Variants in VPS33A observed in about 807,000 individuals in gnomAD.
The protein encoded by VPS33A is VPS33A core subunit of CORVET and HOPS complexes, also known as vacuolar protein sorting-associated protein 33A.
Under a neutral mutation model 71.8 loss-of-function variants are expected in VPS33A, and 32 were observed. The observed-to-expected ratio is 0.45, with a 90% CI of 0.34 to 0.60. The LOEUF is 0.60. Among genes scored for constraint, VPS33A ranks in the 20% least tolerant of loss-of-function variants. The pLI, the probability that VPS33A is intolerant of heterozygous loss-of-function variation, is 0.02. For synonymous variants in VPS33A, 311 were observed against 292.7 expected (o/e 1.06, Z -0.64); for missense variants, 625 against 748.5 (o/e 0.84, Z 1.92).
chr12:122,230,757 G>A lies in VPS33A; in HGVS notation c.*1489C>T, dbSNP rs1008124000. 1 of 152,140 alleles carries A rather than the reference G, an allele frequency of 6.6e-6. No homozygotes were observed. Among genetic ancestry groups the A allele is most frequent in the Non-Finnish European group, 1.5e-5 (1 of 68,022 alleles). 9.4% of individuals were successfully genotyped at this position (152,140 alleles called of 1,614,324 possible). On this transcript the variant is annotated 3_prime_UTR_variant, in exon 13 of 13. Coordinates refer to ENST00000267199, the MANE Select transcript of VPS33A (RefSeq NM_022916.6). ...GCAGCAAAACTGCCAACCTGACTTG[G>A]TGCCCTTGGTGCCTTAACTCCTCCA...
At chr12:122,255,489 A>G (rs989687355) in intron 4 of VPS33A, among the ~76,000 whole-genome samples, 2 of 152,182 alleles carry the variant, frequency 1.3e-5, no homozygotes, top group Non-Finnish European at 2.9e-5. Flanking sequence ...GCAGATCATG[A>G]GGTCAGGAGT....
At chr12:122,246,740 T>G (rs1954782261) in intron 6 of VPS33A, among the ~76,000 whole-genome samples, 1 of 151,874 alleles carries the variant, frequency 6.6e-6, no homozygotes, top group Non-Finnish European at 1.5e-5. Flanking sequence ...GCTGGGATTA[T>G]AGCCACCCGC....
intron 4 of VPS33A, among the ~76,000 whole-genome samples, chr12:122,255,205 A>C (rs958813811): frequency 6.6e-6 from 1 of 152,242 alleles, no homozygotes; most frequent in Non-Finnish European, 1.5e-5. Context: ...ATATGGATTA[A>C]TTAAAAATGA....
intron 6 of VPS33A, among the ~76,000 whole-genome samples, chr12:122,246,290 T>TTTTATTTATTTA (rs138644669): frequency 0.043 from 6,520 of 150,920 alleles, 189 homozygotes; most frequent in Middle Eastern, 0.1. Flanking sequence ...CTCTCTCTTA[T>TTTTATTTATTTA]TTTATTTATT....
intron 4 of VPS33A, among the ~76,000 whole-genome samples, chr12:122,260,285 T>G (rs977184958): frequency 2.1e-5 from 3 of 144,962 alleles, no homozygotes; most frequent in East Asian, 2.0e-4. Flanking sequence ...GCATTGTGAG[T>G]TTTTTTTTTT....
chr12:122,242,530 T>A, intron 7 of VPS33A, 22 bp from the exon 8 acceptor site: 1 of 1,591,026 alleles, frequency 6.3e-7, no homozygotes. Context: ...AAGAGAGCAG[T>A]GCCTCAAGCA....
intron 6 of VPS33A, among the ~76,000 whole-genome samples, chr12:122,246,760 T>G (rs1280564142): frequency 1.3e-5 from 2 of 151,860 alleles, no homozygotes; most frequent in African/African-American, 2.4e-5. Flanking sequence ...CCACCATACC[T>G]GGCTAATTTT....
At chr12:122,265,331 T>C (rs1161097429) in intron 1 of VPS33A, among the ~76,000 whole-genome samples, 1 of 152,138 alleles carries the variant, frequency 6.6e-6, no homozygotes, top group Non-Finnish European at 1.5e-5. Context: ...ACCTAGGACT[T>C]TTTGACACCA....
chr12:122,242,275 C>T, intron 8 of VPS33A, 107 bp downstream of exon 8: 1 of 1,370,570 alleles, frequency 7.3e-7, no homozygotes, highest in South Asian at 1.3e-5. Flanking sequence ...GGTATTAAGA[C>T]AGAGCTGACT....
chr12:122,265,798 C>T (rs1955060431), intron 1 of VPS33A: 10 of 434,434 alleles, frequency 2.3e-5, no homozygotes, highest in South Asian at 1.6e-4. Context: ...TCCTGACTCC[C>T]TTGTGAAAAG....
At chr12:122,250,359 A>T (rs1208501617) in intron 5 of VPS33A, among the ~76,000 whole-genome samples, 3 of 152,202 alleles carry the variant, frequency 2.0e-5, no homozygotes, top group Non-Finnish European at 1.5e-5. Flanking sequence ...CCTAGGAGAA[A>T]CGCAGACTTA....
Position 122,247,439 on chromosome 12 carries a change from GC to G in VPS33A, c.775+2431del, listed in dbSNP as rs548486471. On this transcript the variant is annotated intron_variant, in intron 6 of 12. Coordinates refer to ENST00000267199, the MANE Select transcript of VPS33A (RefSeq NM_022916.6). ...ATTTCCACCCACAACCCAGCATAGG[GC>G]TCTCCTGAAATAAATTCCTCTGTCA... is the stretch of plus-strand genomic sequence containing the variant. Among the ~76,000 whole-genome samples the G allele has an allele frequency of 4.6e-5, 7 of 152,120 alleles. No homozygotes were observed. In the East Asian group the frequency reaches 1.4e-3, roughly 29 times the overall value.
At chr12:122,252,298 T>A (rs1954855924) in intron 4 of VPS33A, among the ~76,000 whole-genome samples, 1 of 151,792 alleles carries the variant, frequency 6.6e-6, no homozygotes, top group Non-Finnish European at 1.5e-5. Flanking sequence ...AGATGGAGTC[T>A]CGCTCTGTCG....
intron 5 of VPS33A, 70 bp from the exon 6 acceptor site, chr12:122,250,115 C>T: frequency 6.9e-7 from 1 of 1,441,494 alleles, no homozygotes; most frequent in Non-Finnish European, 9.2e-7. Context: ...TGTCTAAAAC[C>T]AGAAAGACAA....
At chr12:122,232,539 G>T in intron 12 of VPS33A, 112 bp from the exon 13 acceptor site, 2 of 1,186,548 alleles carry the variant, frequency 1.7e-6, no homozygotes, top group Non-Finnish European at 2.3e-6. Context: ...CATCCAGACA[G>T]TTCATCTGAA....
chr12:122,254,311 C>T (rs1318898949), intron 4 of VPS33A, among the ~76,000 whole-genome samples: 1 of 152,050 alleles, frequency 6.6e-6, no homozygotes, highest in Non-Finnish European at 1.5e-5. Flanking sequence ...TAACATTAGG[C>T]TCTTAGGTCG....
At chr12:122,233,372 T>C (rs557557640) in intron 11 of VPS33A, among the ~76,000 whole-genome samples, 2 of 152,218 alleles carry the variant, frequency 1.3e-5, no homozygotes, top group East Asian at 3.9e-4. Flanking sequence ...ATTACAGGTG[T>C]GCACCACCAC....
chr12:122,239,838 CTT>C, intron 9 of VPS33A, 38 bp downstream of exon 9: 1 of 1,406,026 alleles, frequency 7.1e-7, no homozygotes, highest in Non-Finnish European at 9.8e-7. Flanking sequence ...GTTTAATAAG[CTT>C]TCAATTACTT....
At chr12:122,241,968 C>T (rs1027967052) in intron 8 of VPS33A, among the ~76,000 whole-genome samples, 1 of 151,864 alleles carries the variant, frequency 6.6e-6, no homozygotes, top group African/African-American at 2.4e-5. Context: ...AGTGCAGTGG[C>T]GTGATGTCGG....
Sources: gnomAD v4.1 joint callset for allele counts (sites outside exome capture counted in the v4.1 genomes callset) on GRCh38, gnomAD v4.1.1 for gene constraint, MANE v1.5 for transcripts, NCBI Gene and HGNC (gene_info 2026-07-23, HGNC 2026-07-21) for gene names.